NCOR1: variants seen among roughly 807,000 people sequenced by gnomAD.
NCOR1 encodes the protein protein phosphatase 1, regulatory subunit 109.
NCOR1 carries 63 observed loss-of-function variants against 288.1 expected under a neutral mutation model. The observed-to-expected ratio is 0.22, with a 90% CI of 0.18 to 0.27. NCOR1 has a LOEUF of 0.27. NCOR1 is among the 10% of genes least tolerant of loss of function. The pLI, the probability that NCOR1 is intolerant of heterozygous loss-of-function variation, is 1.00. For synonymous variants in NCOR1, 1,007 were observed against 1,065.9 expected (o/e 0.94, Z 1.08); for missense variants, 2,397 against 3,019.2 (o/e 0.79, Z 4.83).
rs777331360 is a variant in NCOR1 at position 16,058,143 on chromosome 17, G to C, written c.6011-79C>G. The C allele has an allele frequency of 7.5e-6, 11 of 1,471,692 alleles. No homozygotes were observed. The East Asian group carries it at 2.5e-4, about 33-fold the overall frequency. 91.2% of individuals were successfully genotyped at this position (1,471,692 alleles called of 1,614,324 possible). The stretch of plus-strand genomic sequence containing the variant: ...ATTATCAAAGATTAAATATAATTCA[G>C]AAGAACACCTGAAAGGATGTGGTAC... On this transcript the variant is annotated intron_variant, in intron 38 of 45. Transcript: ENST00000268712.
chr17:16,181,215 G>GTATGTA (rs1568520148), intron 3 of NCOR1, among the ~76,000 whole-genome samples: 19,963 of 105,538 alleles, frequency 0.19, 1,554 homozygotes, highest in Non-Finnish European at 0.22. Flanking sequence ...ATATGTATGT[G>GTATGTA]TGTGTGTGTG....
chr17:16,129,282 C>T (rs1045122890), intron 14 of NCOR1, among the ~76,000 whole-genome samples: 1 of 152,188 alleles, frequency 6.6e-6, no homozygotes, highest in African/African-American at 2.4e-5. Context: ...AACCACCCAT[C>T]GCACACCTTC....
chr17:16,059,319 A>C (rs2060297026), intron 37 of NCOR1, among the ~76,000 whole-genome samples: 2 of 152,188 alleles, frequency 1.3e-5, no homozygotes, highest in Non-Finnish European at 2.9e-5. Flanking sequence ...ATGATTTTAA[A>C]GCTATGGATT....
At chr17:16,043,743 TCA>T (rs1439925953) in intron 42 of NCOR1, among the ~76,000 whole-genome samples, 1 of 152,236 alleles carries the variant, frequency 6.6e-6, no homozygotes, top group Non-Finnish European at 1.5e-5. Flanking sequence ...CTCTCCGTGC[TCA>T]CACAGATTCA....
At chr17:16,207,328 T>C (rs554102018) in intron 1 of NCOR1, among the ~76,000 whole-genome samples, 2 of 152,184 alleles carry the variant, frequency 1.3e-5, no homozygotes, top group Non-Finnish European at 2.9e-5. Flanking sequence ...GTGAACTGTG[T>C]ATGACAGTGA....
chr17:16,196,104 A>G (rs2089732040), intron 1 of NCOR1, among the ~76,000 whole-genome samples: 1 of 149,806 alleles, frequency 6.7e-6, no homozygotes, highest in African/African-American at 2.4e-5. Flanking sequence ...TAAAAAATAG[A>G]ATTTATATAT....
chr17:16,118,294 G>A (rs995360784), intron 17 of NCOR1, among the ~76,000 whole-genome samples: 6 of 152,018 alleles, frequency 3.9e-5, no homozygotes, highest in African/African-American at 1.4e-4. Context: ...CTCTCACAGG[G>A]CTAGGACAAC....
intron 38 of NCOR1, 142 bp from the exon 39 acceptor site, chr17:16,058,206 A>G: frequency 2.9e-6 from 3 of 1,036,148 alleles, no homozygotes; most frequent in Non-Finnish European, 4.0e-6. Flanking sequence ...ATTTTGGAGA[A>G]AAAAAAAATT....
intron 42 of NCOR1, among the ~76,000 whole-genome samples, chr17:16,045,950 T>C (rs887042252): frequency 9.9e-5 from 15 of 152,144 alleles, no homozygotes; most frequent in African/African-American, 3.6e-4. Flanking sequence ...TAAATAGGAC[T>C]ACAGGGATGT....
rs1365351428 is a variant in NCOR1, at chr17:16,189,081, T to A, written c.109-2394A>T. ...CACAAGGGTTTGTTAAAAATAAAAATAAAAAAAAATAACAACAGAATCAAA... is the reference window on the plus strand; with the variant it reads ...CACAAGGGTTTGTTAAAAATAAAAAAAAAAAAAAATAACAACAGAATCAAA... On this transcript the variant is annotated intron_variant, in intron 2 of 45. Coordinates refer to ENST00000268712, the MANE Select transcript of NCOR1 (RefSeq NM_006311.4). Among the ~76,000 whole-genome samples the A allele has an allele frequency of 1.3e-5, 2 of 149,908 alleles. 1 individual carries two copies. Among genetic ancestry groups the A allele is most frequent in the South Asian group, 4.2e-4 (2 of 4,722 alleles).
intron 10 of NCOR1, among the ~76,000 whole-genome samples, chr17:16,145,910 G>A (rs897425400): frequency 6.6e-6 from 1 of 152,230 alleles, no homozygotes; most frequent in Non-Finnish European, 1.5e-5. Flanking sequence ...TGTCCGTGTG[G>A]AGGGAGGTGG....
At chr17:16,114,553 A>T (rs566389853) in intron 18 of NCOR1, among the ~76,000 whole-genome samples, 4 of 152,164 alleles carry the variant, frequency 2.6e-5, no homozygotes, top group Non-Finnish European at 5.9e-5. Context: ...GTTACTTCCT[A>T]GATACAATGG....
intron 31 of NCOR1, among the ~76,000 whole-genome samples, chr17:16,069,759 T>G (rs193113850): frequency 1.4e-3 from 210 of 152,320 alleles, no homozygotes; most frequent in African/African-American, 4.9e-3. Flanking sequence ...AAAAACTAAG[T>G]AACTCATCTG....
chr17:16,181,211 A>ATGTGTGTGTGTG (rs61215793), intron 3 of NCOR1, among the ~76,000 whole-genome samples: 2,199 of 139,454 alleles, frequency 0.016, 34 homozygotes, highest in East Asian at 0.049. Flanking sequence ...ATATATATGT[A>ATGTGTGTGTGTG]TGTGTGTGTG....
intron 10 of NCOR1, among the ~76,000 whole-genome samples, chr17:16,144,713 CCCTCTCCCTCTCTCT>C (rs2077606752): frequency 1.3e-5 from 2 of 151,966 alleles, no homozygotes; most frequent in South Asian, 2.1e-4. Context: ...CAATAGCTCT[CCCTCTCCCTCTCTCT>C]CCTCTCCCTC....
intron 22 of NCOR1, 58 bp from the exon 23 acceptor site, chr17:16,086,500 T>G (rs559924533): frequency 6.9e-7 from 1 of 1,458,002 alleles, no homozygotes; most frequent in African/African-American, 1.4e-5. Context: ...TTACAACATG[T>G]TACCTCTCTC....
intron 40 of NCOR1, chr17:16,057,279 C>A: frequency 2.0e-6 from 1 of 509,426 alleles, no homozygotes; most frequent in Non-Finnish European, 3.5e-6. Context: ...TCTTTACAAA[C>A]CAACAAATAG....
intron 14 of NCOR1, among the ~76,000 whole-genome samples, chr17:16,128,959 G>A (rs911683147): frequency 2.0e-5 from 3 of 152,082 alleles, no homozygotes; most frequent in South Asian, 2.1e-4. Flanking sequence ...CCTTTTTCAC[G>A]TTTCATAAAA....
chr17:16,144,706 T>C (rs1357043427), intron 10 of NCOR1, among the ~76,000 whole-genome samples: 3 of 152,012 alleles, frequency 2.0e-5, no homozygotes, highest in African/African-American at 7.3e-5. Flanking sequence ...CAAGAAACAA[T>C]AGCTCTCCCT....
Sources: gnomAD v4.1 joint callset for allele counts (sites outside exome capture counted in the v4.1 genomes callset) on GRCh38, gnomAD v4.1.1 for gene constraint, MANE v1.5 for transcripts, NCBI Gene and HGNC (gene_info 2026-07-23, HGNC 2026-07-21) for gene names.